Variants in SECISBP2 observed in about 807,000 individuals in gnomAD.
SECISBP2 encodes SECIS binding protein 2.
In SECISBP2, 96 loss-of-function variants were observed where a neutral mutation model predicts 98.2. The ratio of observed to expected loss-of-function variants is 0.98; its 90% CI spans 0.83 to 1.16. The LOEUF (loss-of-function observed/expected upper bound fraction) is 1.16. SECISBP2 is among the 50% of genes most tolerant of loss of function. The pLI is 0.00. For synonymous variants in SECISBP2, 407 were observed against 370.2 expected (o/e 1.10, Z -1.14); for missense variants, 1,046 against 1,022.9 (o/e 1.02, Z -0.31).
chr9:89,358,324 A>G, intron 16 of SECISBP2, 133 bp downstream of exon 16: 1 of 887,884 alleles, frequency 1.1e-6, no homozygotes, highest in Non-Finnish European at 1.8e-6. Flanking sequence ...AGTCCAGCCC[A>G]TTGCCTAAGA....
In SECISBP2 at chr9:89,350,621, G is replaced by A; in HGVS notation, c.1893-11G>A. 8 of 1,612,576 alleles carry A rather than the reference G, an allele frequency of 5.0e-6. No individual in the cohort carries two copies. Among genetic ancestry groups the A allele is most frequent in the Non-Finnish European group, 6.8e-6 (8 of 1,178,852 alleles). On this transcript the variant is annotated splice_polypyrimidine_tract_variant and intron_variant, in intron 13 of 16. Coordinates refer to ENST00000375807, the MANE Select transcript of SECISBP2 (RefSeq NM_024077.5). ...AGTGGCACAATTCCTGATGTCTGAT[G>A]TTTCTTTCAGTTACTGCAGCCAGAT...
chr9:89,328,968 G>C, intron 5 of SECISBP2, 82 bp downstream of exon 5: 2 of 1,194,460 alleles, frequency 1.7e-6, no homozygotes, highest in Non-Finnish European at 2.4e-6. Flanking sequence ...ATTAAATCTT[G>C]CTGTGGGCTT....
chr9:89,346,636 C>G (rs554674365), intron 10 of SECISBP2, among the ~76,000 whole-genome samples: 2 of 152,242 alleles, frequency 1.3e-5, no homozygotes, highest in South Asian at 2.1e-4. Flanking sequence ...GTAGGTGTTC[C>G]TAAATTACTT....
At chr9:89,358,637 C>T in intron 16 of SECISBP2, 84 bp from the exon 17 acceptor site, 2 of 888,458 alleles carry the variant, frequency 2.3e-6, no homozygotes, top group South Asian at 1.4e-5. Flanking sequence ...CCACAGGCTC[C>T]CTCTCTCATG....
At chr9:89,346,455 G>A (rs1472527619) in intron 10 of SECISBP2, among the ~76,000 whole-genome samples, 1 of 152,150 alleles carries the variant, frequency 6.6e-6, no homozygotes, top group Non-Finnish European at 1.5e-5. Flanking sequence ...AACCAATAGG[G>A]CCAGCTTCCA....
chr9:89,354,813 C>G lies in SECISBP2; in HGVS notation c.2114-2598C>G, dbSNP rs528076354. On this transcript the variant is annotated intron_variant, in intron 14 of 16. Transcript: ENST00000375807. ...TCACTCCCGGGAGCTGGGGTGGACA[C>G]CAGGCAGAGACCCTCCAGTGAGAGA... 5.9e-5 allele frequency: 58 copies of G among 985,388 alleles called. No individual in the cohort carries two copies. In the Middle Eastern group the frequency reaches 2.1e-3, roughly 36 times the overall value. 61.0% of individuals were successfully genotyped at this position (985,388 alleles called of 1,614,324 possible).
intron 14 of SECISBP2, chr9:89,356,881 G>A (rs1832167934): frequency 5.0e-6 from 1 of 198,152 alleles, no homozygotes; most frequent in African/African-American, 2.3e-5. Flanking sequence ...CTTCTCAGGT[G>A]CTGTTGGGTT....
At position 89,359,010 on chromosome 9, in the gene SECISBP2, T is replaced by A; in HGVS notation, c.*186T>A. ...TCAGTGCTGCGGAGCCTGTTAAAGG[T>A]CACTCAGATGTGCAGGTGTTAATCT... On this transcript the variant is annotated 3_prime_UTR_variant, in exon 17 of 17. Transcript: ENST00000375807. 1.6e-6 allele frequency: 1 copy of A among 609,176 alleles called. No individual in the cohort carries two copies. Among genetic ancestry groups the A allele is most frequent in the Non-Finnish European group, 2.9e-6 (1 of 342,292 alleles). 37.7% of individuals were successfully genotyped at this position (609,176 alleles called of 1,614,324 possible).
intron 5 of SECISBP2, among the ~76,000 whole-genome samples, chr9:89,331,240 T>C (rs2131670642): frequency 6.6e-6 from 1 of 152,352 alleles, no homozygotes; most frequent in Non-Finnish European, 1.5e-5. Context: ...ATTTTTTCCA[T>C]GTCATTAAGT....
At chr9:89,319,537 A>G in intron 1 of SECISBP2, 115 bp from the exon 2 acceptor site, 1 of 1,227,722 alleles carries the variant, frequency 8.1e-7, no homozygotes, top group Non-Finnish European at 1.2e-6. Context: ...AGAAGTTTTT[A>G]AACAACATCG....
At chr9:89,335,880 A>G (rs772219804) in intron 7 of SECISBP2, among the ~76,000 whole-genome samples, 1 of 152,128 alleles carries the variant, frequency 6.6e-6, no homozygotes, top group South Asian at 2.1e-4. Flanking sequence ...TCTGGTGTAT[A>G]AAGTTTCTGC....
intron 14 of SECISBP2, among the ~76,000 whole-genome samples, chr9:89,354,461 C>T (rs922906067): frequency 6.6e-5 from 10 of 152,140 alleles, no homozygotes; most frequent in African/African-American, 1.7e-4. Flanking sequence ...GTTAAGAGCC[C>T]GTGGGAAGTG....
chr9:89,319,107 A>C, intron 1 of SECISBP2: 1 of 924,172 alleles, frequency 1.1e-6, no homozygotes, highest in Non-Finnish European at 1.3e-6. Flanking sequence ...AAAGAAAGAA[A>C]TCTTAGTGAA....
downstream of SECISBP2, chr9:89,364,143 G>T (rs569320537): frequency 2.6e-6 from 3 of 1,167,698 alleles, no homozygotes; most frequent in African/African-American, 4.6e-5. Context: ...GCCTTGGCCC[G>T]TCCTGTGGAC....
At chr9:89,361,096 T>C (rs534253576), downstream of SECISBP2, 1 of 152,304 alleles carries the variant, frequency 6.6e-6, no homozygotes, top group Admixed American at 6.5e-5. Flanking sequence ...GTTATGAGTA[T>C]GTGATGGTTC....
At chr9:89,363,264 AT>A (rs375197670), downstream of SECISBP2, among the ~76,000 whole-genome samples, 341 of 143,784 alleles carry the variant, frequency 2.4e-3, no homozygotes, top group African/African-American at 7.7e-3. Flanking sequence ...AAGACGTGGG[AT>A]TTCCCCCCCC....
chr9:89,318,691 G>C (rs1012854030), intron 1 of SECISBP2, 79 bp downstream of exon 1: 2 of 1,326,906 alleles, frequency 1.5e-6, no homozygotes, highest in South Asian at 1.7e-5. Context: ...GGGCGGTGAC[G>C]GGGCTGGTCC....
intron 6 of SECISBP2, among the ~76,000 whole-genome samples, chr9:89,333,591 G>C (rs1828120283): frequency 6.6e-6 from 1 of 152,152 alleles, no homozygotes; most frequent in Non-Finnish European, 1.5e-5. Flanking sequence ...GTGTTCTCGT[G>C]AGAGAGGGAG....
At chr9:89,362,790 C>G (rs1832898348), downstream of SECISBP2, among the ~76,000 whole-genome samples, 1 of 152,066 alleles carries the variant, frequency 6.6e-6, no homozygotes, top group South Asian at 2.1e-4. Flanking sequence ...CTTTAATGCA[C>G]TCATTTGAGT....
Sources: allele counts gnomAD v4.1 joint callset (sites outside exome capture counted in the v4.1 genomes callset), GRCh38; gene constraint gnomAD v4.1.1; transcripts MANE v1.5; gene names NCBI Gene and HGNC (gene_info 2026-07-23, HGNC 2026-07-21).